DMD: variants seen among roughly 807,000 people sequenced by gnomAD.
The protein encoded by DMD is mutant dystrophin.
DMD carries 63 observed loss-of-function variants against 330.1 expected under a neutral mutation model. The observed-to-expected ratio is 0.19, with a 90% CI of 0.16 to 0.24. The LOEUF (loss-of-function observed/expected upper bound fraction) is 0.24. Ranked by LOEUF, DMD falls within the 10% of genes least tolerant of loss-of-function variation. The probability of loss-of-function intolerance (pLI) is 1.00; values close to 1 mark genes in which losing one functional copy is unlikely to be tolerated. For synonymous variants in DMD, 1,223 were observed against 959.8 expected, an observed-to-expected ratio of 1.27 and a Z score of -5.07; for missense variants, 3,344 against 2,684.1, an observed-to-expected ratio of 1.25 and a Z score of -5.43.
At chrX:31,890,422 G>A (rs1458375) in intron 47 of DMD, among the ~76,000 whole-genome samples, 31,692 of 107,959 alleles carry the variant, frequency 0.29, 3,648 homozygotes, top group Admixed American at 0.36. Flanking sequence ...TTATCAAAAT[G>A]TAACTTTAAA....
At chrX:31,716,307 T>C (rs1485786983) in intron 52 of DMD, among the ~76,000 whole-genome samples, 2 of 112,366 alleles carry the variant, frequency 1.8e-5, no homozygotes, top group East Asian at 2.8e-4. Flanking sequence ...ATCCCAGCAC[T>C]TTGGGAGGCC....
chrX:32,415,242 A>T (rs185059765), intron 29 of DMD, among the ~76,000 whole-genome samples: 1 of 112,295 alleles, frequency 8.9e-6, no homozygotes, highest in African/African-American at 3.2e-5. Flanking sequence ...AATTCTTTTT[A>T]GAAACCTAAC....
intron 2 of DMD, among the ~76,000 whole-genome samples, chrX:32,959,604 A>G (rs1295982346): frequency 9.0e-6 from 1 of 111,295 alleles, no homozygotes; most frequent in East Asian, 2.8e-4. Flanking sequence ...GACATCACTG[A>G]GAATTAAAAT....
rs2097772026 is a variant in DMD at position 32,348,675 on chromosome X, T to C, written c.5326-147A>G. The C allele has an allele frequency of 7.3e-6, 4 of 548,792 alleles. 1 individual carries two copies. The highest frequency in any genetic ancestry group is 1.1e-5 in the Non-Finnish European group (4 of 353,896). 45.2% of individuals were successfully genotyped at this position (548,792 alleles called of 1,213,427 possible). On this transcript the variant is annotated intron_variant, in intron 37 of 78. Transcript: ENST00000357033. Reference sequence around the variant, plus strand: ...TTATGTTTTATGAAGGGTTTTGAAATACAACTGGAAAAGTACCTGAGGATG... The same window carrying C: ...TTATGTTTTATGAAGGGTTTTGAAACACAACTGGAAAAGTACCTGAGGATG...
Position 32,448,546 on chromosome X carries a change from T to G in DMD, c.3696A>C (p.Ala1232=), listed in dbSNP as rs369971712. Residue 1232 remains alanine (A), a synonymous_variant, in exon 27 of 79, where the codon GCA becomes GCC. Transcript: ENST00000357033. ...CAAGTTCCTTTTTTAAGGCCTCTTG[T>G]GCTACAGGTGGAGCTTGAGCTATGA... is the stretch of plus-strand genomic sequence containing the variant. ...NSVIAQAPPV[A]QEALKKELET... is the part of the protein sequence containing the mutation. 8.3e-6 allele frequency: 10 copies of G among 1,207,092 alleles called. No homozygotes were observed. The highest frequency in any genetic ancestry group is 1.0e-5 in the Non-Finnish European group (9 of 893,025).
intron 76 of DMD, among the ~76,000 whole-genome samples, chrX:31,143,529 G>C (rs191563345): frequency 7.2e-5 from 8 of 111,816 alleles, no homozygotes; most frequent in Non-Finnish European, 1.3e-4. Context: ...TCAAGAAAAA[G>C]TACCCTTGAA....
intron 9 of DMD, among the ~76,000 whole-genome samples, chrX:32,675,873 A>T (rs1003982831): frequency 8.9e-6 from 1 of 111,993 alleles, no homozygotes; most frequent in African/African-American, 3.2e-5. Flanking sequence ...TGATTGTCCA[A>T]TATCAGTTAG....
intron 75 of DMD, among the ~76,000 whole-genome samples, chrX:31,147,026 C>T (rs3816797): frequency 0.028 from 3,112 of 111,269 alleles, 87 homozygotes; most frequent in South Asian, 0.15. Flanking sequence ...GCGTTTTTTT[C>T]CCCAAGATGT....
At chrX:32,274,481 T>A (rs1232424063) in intron 43 of DMD, among the ~76,000 whole-genome samples, 2 of 112,204 alleles carry the variant, frequency 1.8e-5, no homozygotes, top group African/African-American at 3.2e-5. Context: ...TGATCCTGGA[T>A]GAAGCGGTGA....
intron 30 of DMD, among the ~76,000 whole-genome samples, chrX:32,404,959 G>A (rs1478988038): frequency 9.0e-6 from 1 of 111,431 alleles, no homozygotes; most frequent in African/African-American, 3.3e-5. Context: ...TTTTCCATTA[G>A]AGGAAAAAAT....
chrX:31,915,261 A>G (rs1378537271), intron 47 of DMD, among the ~76,000 whole-genome samples: 1 of 111,903 alleles, frequency 8.9e-6, no homozygotes, highest in Non-Finnish European at 1.9e-5. Flanking sequence ...AAGAGAGTGC[A>G]TGGATATTTG....
chrX:32,730,035 G>A (rs1021426527), intron 7 of DMD, among the ~76,000 whole-genome samples: 1 of 111,938 alleles, frequency 8.9e-6, no homozygotes. Context: ...GATCCCCACT[G>A]TTAAAATGTA....
chrX:32,378,246 A>T (rs981985833), intron 34 of DMD, among the ~76,000 whole-genome samples: 4 of 110,128 alleles, frequency 3.6e-5, no homozygotes, highest in African/African-American at 1.3e-4. Flanking sequence ...TTCCCTGTCC[A>T]TTCCACCACC....
chrX:32,500,682 A>C (rs2043965495), intron 19 of DMD, among the ~76,000 whole-genome samples: 1 of 112,080 alleles, frequency 8.9e-6, no homozygotes, highest in Non-Finnish European at 1.9e-5. Context: ...CATCTAAATA[A>C]AAATCTACTG....
intron 1 of DMD, among the ~76,000 whole-genome samples, chrX:33,157,457 G>A (rs1169064232): frequency 9.0e-6 from 1 of 111,690 alleles, no homozygotes; most frequent in African/African-American, 3.3e-5. Flanking sequence ...GACCCCATTT[G>A]CAAACAAAAA....
At chrX:33,148,420 T>C (rs1166531263) in intron 1 of DMD, among the ~76,000 whole-genome samples, 3 of 112,268 alleles carry the variant, frequency 2.7e-5, no homozygotes, top group African/African-American at 9.7e-5. Context: ...GTAAATAGTC[T>C]ACACGAGCGT....
intron 25 of DMD, among the ~76,000 whole-genome samples, chrX:32,461,849 A>G (rs2098384545): frequency 9.1e-6 from 1 of 109,969 alleles, no homozygotes; most frequent in African/African-American, 3.3e-5. Flanking sequence ...GCACTGACTT[A>G]CTTCAGGAGA....
intron 44 of DMD, among the ~76,000 whole-genome samples, chrX:32,190,231 T>C (rs1317545350): frequency 1.8e-5 from 2 of 110,534 alleles, no homozygotes; most frequent in South Asian, 3.8e-4. Flanking sequence ...TTGAGAAACA[T>C]TGCCGTAGAT....
At chrX:31,662,053 A>G (rs1457916854) in intron 53 of DMD, among the ~76,000 whole-genome samples, 1 of 112,155 alleles carries the variant, frequency 8.9e-6, no homozygotes, top group Non-Finnish European at 1.9e-5. Flanking sequence ...GAGAAAGAGT[A>G]GCTAAAAGCC....
Sources: gnomAD v4.1 joint callset for allele counts (sites outside exome capture counted in the v4.1 genomes callset) on GRCh38, gnomAD v4.1.1 for gene constraint, MANE v1.5 for transcripts, NCBI Gene and HGNC (gene_info 2026-07-23, HGNC 2026-07-21) for gene names.